Variants in SLC17A1 observed in about 807,000 individuals in gnomAD.
SLC17A1 encodes sodium-dependent phosphate transport protein 1.
Under a neutral mutation model 53.5 loss-of-function variants are expected in SLC17A1, and 51 were observed. That is an observed-to-expected ratio of 0.95 (90% CI 0.76 to 1.20). SLC17A1 has a LOEUF of 1.20. SLC17A1 is among the 50% of genes most tolerant of loss of function. The pLI, the probability that SLC17A1 is intolerant of heterozygous loss-of-function variation, is 0.00. For synonymous variants in SLC17A1, 179 were observed against 198.8 expected, an observed-to-expected ratio of 0.90 and a Z score of 0.84; for missense variants, 538 against 568.2, an observed-to-expected ratio of 0.95 and a Z score of 0.54.
chr6:25,770,451 T>C, the SLC17A1 span: 3 of 1,614,058 alleles, frequency 1.9e-6, no homozygotes, highest in Admixed American at 1.7e-5. Flanking sequence ...AGGAGTCAAC[T>C]CACCACCATT....
intron 10 of SLC17A1, among the ~76,000 whole-genome samples, chr6:25,807,373 A>C (rs971177184): frequency 6.6e-6 from 1 of 152,102 alleles, no homozygotes; most frequent in Non-Finnish European, 1.5e-5. Flanking sequence ...GAAGGAAATA[A>C]CATCTTTTGC....
chr6:25,777,153 C>G, the SLC17A1 span: 133 of 618,398 alleles, frequency 2.2e-4, no homozygotes, highest in African/African-American at 2.2e-3. Flanking sequence ...CTTAGTTTTT[C>G]TGGGCGTGAA....
chr6:25,794,203 A>G (rs2762353), intron 12 of SLC17A1, among the ~76,000 whole-genome samples: 100,627 of 152,088 alleles, frequency 0.66, 35,035 homozygotes, highest in African/African-American at 0.87. Context: ...CTCTATAAAC[A>G]GTGAACTCTC....
intron 3 of SLC17A1, among the ~76,000 whole-genome samples, chr6:25,820,815 C>T (rs965713887): frequency 6.2e-5 from 9 of 146,170 alleles, no homozygotes; most frequent in Middle Eastern, 3.4e-3. Flanking sequence ...AGGAGAATGG[C>T]GTGAACCTGG....
chr6:25,752,845 G>A, the SLC17A1 span, among the ~76,000 whole-genome samples: 4 of 151,894 alleles, frequency 2.6e-5, no homozygotes, highest in East Asian at 1.9e-4. Context: ...CCAGCTACTC[G>A]GGAGGCTGAG....
At chr6:25,786,431 G>T (rs1763383900) in intron 12 of SLC17A1, among the ~76,000 whole-genome samples, 2 of 152,242 alleles carry the variant, frequency 1.3e-5, no homozygotes, top group Admixed American at 6.5e-5. Flanking sequence ...ATTTGAAGTG[G>T]ACAAGACCTC....
chr6:25,747,767 G>C, the SLC17A1 span, among the ~76,000 whole-genome samples: 1 of 152,190 alleles, frequency 6.6e-6, no homozygotes, highest in Non-Finnish European at 1.5e-5. Context: ...TCCACAAATT[G>C]GGAAGTGGGC....
chr6:25,745,474 T>C, the SLC17A1 span, among the ~76,000 whole-genome samples: 41,329 of 152,132 alleles, frequency 0.27, 6,830 homozygotes, highest in East Asian at 0.7. Context: ...AATACGTGTA[T>C]GGAGGACAAT....
chr6:25,728,322 T>C, the SLC17A1 span, among the ~76,000 whole-genome samples: 1 of 152,146 alleles, frequency 6.6e-6, no homozygotes, highest in Non-Finnish European at 1.5e-5. Flanking sequence ...GTTTCCTTCA[T>C]TGTCATGTTA....
At chr6:25,743,615 A>G in the SLC17A1 span, among the ~76,000 whole-genome samples, 26 of 152,182 alleles carry the variant, frequency 1.7e-4, no homozygotes, top group Non-Finnish European at 3.2e-4. Flanking sequence ...AAATTCAATT[A>G]AGTAGTTTAT....
At chr6:25,731,663 AG>A in the SLC17A1 span, 22 of 632,592 alleles carry the variant, frequency 3.5e-5, no homozygotes, top group South Asian at 5.8e-4. Flanking sequence ...AAAAATTATC[AG>A]TCTGGCAACG....
At chr6:25,824,700 G>T (rs1017941986) in intron 3 of SLC17A1, among the ~76,000 whole-genome samples, 6 of 151,532 alleles carry the variant, frequency 4.0e-5, no homozygotes, top group Non-Finnish European at 8.9e-5. Context: ...AGGTATAAAT[G>T]ATATATCAAG....
the SLC17A1 span, among the ~76,000 whole-genome samples, chr6:25,750,270 T>C: frequency 6.6e-6 from 1 of 152,224 alleles, no homozygotes; most frequent in Non-Finnish European, 1.5e-5. Flanking sequence ...ATTTCCCTAT[T>C]GAGCTTATTA....
chr6:25,824,706 T>C (rs533166392), intron 3 of SLC17A1, among the ~76,000 whole-genome samples: 4 of 151,774 alleles, frequency 2.6e-5, no homozygotes, highest in African/African-American at 9.6e-5. Flanking sequence ...AAATGATATA[T>C]CAAGAGAGGA....
At chr6:25,732,381 G>A in the SLC17A1 span, 3 of 267,398 alleles carry the variant, frequency 1.1e-5, no homozygotes, top group Non-Finnish European at 2.2e-5. Context: ...TGTCAGACTA[G>A]AAATACGCTG....
the SLC17A1 span, among the ~76,000 whole-genome samples, chr6:25,748,218 T>C: frequency 6.6e-6 from 1 of 152,104 alleles, no homozygotes; most frequent in Non-Finnish European, 1.5e-5. Context: ...AAAAAACCTC[T>C]CTGGAGAAAC....
the SLC17A1 span, among the ~76,000 whole-genome samples, chr6:25,758,004 C>T: frequency 2.6e-4 from 40 of 152,274 alleles, no homozygotes; most frequent in East Asian, 9.7e-4. Context: ...TCACAAGGGA[C>T]CTGCTGGTCT....
downstream of SLC17A1, chr6:25,779,208 A>T (rs765367707): frequency 6.2e-7 from 1 of 1,612,766 alleles, no homozygotes; most frequent in Admixed American, 1.7e-5. Context: ...GAGATGTGCT[A>T]GATCCTGGTG....
chr6:25,803,513 G>A (rs1486289721), intron 10 of SLC17A1, among the ~76,000 whole-genome samples: 1 of 152,068 alleles, frequency 6.6e-6, no homozygotes, highest in Non-Finnish European at 1.5e-5. Context: ...GAAAATGACA[G>A]AGCTACTTCT....
Sources: gnomAD v4.1 joint callset for allele counts (sites outside exome capture counted in the v4.1 genomes callset) on GRCh38, gnomAD v4.1.1 for gene constraint, MANE v1.5 for transcripts, NCBI Gene and HGNC (gene_info 2026-07-23, HGNC 2026-07-21) for gene names.